Variants in ZCCHC7 observed in about 807,000 individuals in gnomAD.
The protein encoded by ZCCHC7 is zinc finger CCHC domain-containing protein 7.
Under a neutral mutation model 52.0 loss-of-function variants are expected in ZCCHC7, and 35 were observed. The observed-to-expected ratio is 0.67, with a 90% CI of 0.51 to 0.89. The LOEUF (loss-of-function observed/expected upper bound fraction) is 0.89, where lower values mean the gene tolerates loss of function less well. Ranked by LOEUF, ZCCHC7 falls within the 40% of genes least tolerant of loss-of-function variation. The pLI, the probability that ZCCHC7 is intolerant of heterozygous loss-of-function variation, is 0.00. For synonymous variants in ZCCHC7, 217 were observed against 221.5 expected (o/e 0.98, Z 0.18); for missense variants, 574 against 649.1 (o/e 0.88, Z 1.26).
intron 2 of ZCCHC7, among the ~76,000 whole-genome samples, chr9:37,283,027 T>A (rs536727547): frequency 1.3e-5 from 2 of 152,142 alleles, no homozygotes; most frequent in East Asian, 3.9e-4. Context: ...TAATAGTTCC[T>A]CTTGGGTTGA....
chr9:37,215,487 C>T (rs564203200), intron 2 of ZCCHC7, among the ~76,000 whole-genome samples: 1 of 152,036 alleles, frequency 6.6e-6, no homozygotes, highest in African/African-American at 2.4e-5. Flanking sequence ...CCCTAAGGAG[C>T]GTGGTTATAA....
intron 2 of ZCCHC7, among the ~76,000 whole-genome samples, chr9:37,228,855 A>G (rs1274349082): frequency 8.1e-6 from 1 of 123,468 alleles, no homozygotes; most frequent in East Asian, 2.4e-4. Flanking sequence ...TTTTTTTTTG[A>G]GACAGAGTCT....
chr9:37,189,730 T>A (rs1822919307), intron 2 of ZCCHC7, among the ~76,000 whole-genome samples: 1 of 152,054 alleles, frequency 6.6e-6, no homozygotes, highest in African/African-American at 2.4e-5. Context: ...TTCATTCAGG[T>A]TGAAAGTTCT....
At chr9:37,254,380 T>C (rs1826472448) in intron 2 of ZCCHC7, among the ~76,000 whole-genome samples, 1 of 152,008 alleles carries the variant, frequency 6.6e-6, no homozygotes, top group African/African-American at 2.4e-5. Flanking sequence ...AGTTGGGAAC[T>C]TTTTAAATGC....
intron 5 of ZCCHC7, among the ~76,000 whole-genome samples, chr9:37,306,353 G>T (rs2133720201): frequency 6.6e-6 from 1 of 152,250 alleles, no homozygotes; most frequent in East Asian, 1.9e-4. Flanking sequence ...GCAGGCGTGA[G>T]CCACTGCACC....
chr9:37,232,029 A>T (rs1489711101), intron 2 of ZCCHC7, among the ~76,000 whole-genome samples: 1 of 152,134 alleles, frequency 6.6e-6, no homozygotes, highest in Non-Finnish European at 1.5e-5. Flanking sequence ...GTTAATAGTT[A>T]TTTCATTACA....
intron 2 of ZCCHC7, among the ~76,000 whole-genome samples, chr9:37,161,691 G>T (rs989324624): frequency 6.6e-6 from 1 of 152,152 alleles, no homozygotes; most frequent in South Asian, 2.1e-4. Flanking sequence ...ATATGTCAAC[G>T]TATGTTCACT....
chr9:37,186,473 T>A (rs897923549), intron 2 of ZCCHC7, among the ~76,000 whole-genome samples: 2 of 152,206 alleles, frequency 1.3e-5, no homozygotes, highest in Non-Finnish European at 2.9e-5. Flanking sequence ...ATTAATATGC[T>A]GTATATTTTT....
At chr9:37,226,200 C>G (rs1825089355) in intron 2 of ZCCHC7, among the ~76,000 whole-genome samples, 2 of 151,888 alleles carry the variant, frequency 1.3e-5, no homozygotes, top group Non-Finnish European at 2.9e-5. Context: ...TTCACAGTAT[C>G]AAAAAATGTG....
intron 2 of ZCCHC7, among the ~76,000 whole-genome samples, chr9:37,291,920 C>T (rs1405193654): frequency 2.0e-5 from 3 of 152,228 alleles, no homozygotes; most frequent in South Asian, 2.1e-4. Flanking sequence ...CTCGAACTCC[C>T]GACCTCAGGT....
intron 2 of ZCCHC7, among the ~76,000 whole-genome samples, chr9:37,198,699 G>C (rs564665653): frequency 3.3e-5 from 5 of 152,292 alleles, no homozygotes; most frequent in African/African-American, 9.6e-5. Context: ...GATAGAGCTT[G>C]CTCCCTCAAA....
intron 5 of ZCCHC7, among the ~76,000 whole-genome samples, chr9:37,318,960 AG>A (rs936417028): frequency 2.0e-5 from 3 of 147,384 alleles, no homozygotes; most frequent in African/African-American, 5.0e-5. Context: ...AAAAAAAAAA[AG>A]AGTAAAATAT....
intron 2 of ZCCHC7, among the ~76,000 whole-genome samples, chr9:37,280,127 C>T (rs1019768668): frequency 2.0e-5 from 3 of 150,956 alleles, no homozygotes; most frequent in Admixed American, 6.6e-5. Context: ...GGCAACAGTG[C>T]GAGACTCCGT....
intron 8 of ZCCHC7, among the ~76,000 whole-genome samples, 189 bp downstream of exon 8, chr9:37,355,013 A>G (rs1046594417): frequency 4.6e-5 from 7 of 152,190 alleles, no homozygotes; most frequent in African/African-American, 1.7e-4. Context: ...CCATGTTGCA[A>G]TCTCCTCACA....
intron 2 of ZCCHC7, among the ~76,000 whole-genome samples, chr9:37,177,232 G>A (rs1406697612): frequency 6.6e-6 from 1 of 152,190 alleles, no homozygotes; most frequent in Admixed American, 6.5e-5. Flanking sequence ...CTACTTGAGA[G>A]GCTGAGACAG....
intron 2 of ZCCHC7, among the ~76,000 whole-genome samples, chr9:37,176,370 G>A (rs1234498039): frequency 6.6e-6 from 1 of 152,214 alleles, no homozygotes; most frequent in Admixed American, 6.5e-5. Flanking sequence ...ACCGCGCCCA[G>A]TCTAGCCTCA....
chr9:37,189,477 C>T lies in ZCCHC7; in HGVS notation c.610+62535C>T, dbSNP rs149048818. ...TCTCGGCTCACTGCAACCTCTGCTT[C>T]CTGGGCTCAAGCGATTCTCCTGCGT... On this transcript the variant is annotated intron_variant, in intron 2 of 8. Transcript: ENST00000336755. Among the ~76,000 whole-genome samples the T allele has an allele frequency of 3.0e-3, 454 of 152,276 alleles. 1 individual carries two copies. Among genetic ancestry groups the T allele is most frequent in the African/African-American group, 8.0e-3 (332 of 41,554 alleles).
intron 2 of ZCCHC7, among the ~76,000 whole-genome samples, chr9:37,233,969 G>A (rs546943998): frequency 3.9e-5 from 6 of 151,972 alleles, no homozygotes; most frequent in Admixed American, 2.6e-4. Flanking sequence ...TTCTCCTGCC[G>A]CAGCCTCCTG....
chr9:37,187,267 A>T (rs570194338), intron 2 of ZCCHC7, among the ~76,000 whole-genome samples: 42 of 152,366 alleles, frequency 2.8e-4, no homozygotes, highest in African/African-American at 9.1e-4. Context: ...AAATTTTTCC[A>T]TGGACAGGGG....
Sources: allele counts gnomAD v4.1 joint callset (sites outside exome capture counted in the v4.1 genomes callset), GRCh38; gene constraint gnomAD v4.1.1; transcripts MANE v1.5; gene names NCBI Gene and HGNC (gene_info 2026-07-23, HGNC 2026-07-21).